FAM227A: variants seen among roughly 807,000 people sequenced by gnomAD.
FAM227A encodes family with sequence similarity 227 member A, also known as protein FAM227A.
FAM227A carries 80 observed loss-of-function variants against 74.7 expected under a neutral mutation model. The observed-to-expected ratio is 1.07, with a 90% CI of 0.89 to 1.29. The LOEUF (loss-of-function observed/expected upper bound fraction) is 1.29, where lower values mean the gene tolerates loss of function less well. Ranked by LOEUF, FAM227A falls within the 50% of genes most tolerant of loss-of-function variation. FAM227A has a pLI of 0.00. For synonymous variants in FAM227A, 237 were observed against 241.8 expected, an observed-to-expected ratio of 0.98 and a Z score of 0.19; for missense variants, 654 against 683.4, an observed-to-expected ratio of 0.96 and a Z score of 0.48.
chr22:38,607,979 T>C (rs182853140), intron 11 of FAM227A, among the ~76,000 whole-genome samples: 5 of 152,094 alleles, frequency 3.3e-5, no homozygotes, highest in Admixed American at 3.3e-4. Flanking sequence ...GCAGGGGAGA[T>C]AACAGGAAAT....
rs545536592 is a variant in FAM227A at position 38,650,348 on chromosome 22, G to C, written c.-94-86C>G. The C allele has an allele frequency of 2.3e-5, 14 of 607,992 alleles. No homozygotes were observed. The East Asian group carries it at 3.9e-4, about 17-fold the overall frequency. The allele number at this position is 607,992 out of a possible 1,614,324, so 37.7% of individuals were successfully genotyped here. On this transcript the variant is annotated intron_variant, in intron 1 of 16. Coordinates refer to ENST00000535113, the MANE Select transcript of FAM227A (RefSeq NM_001013647.2). ...GTTCCCCAGCTACACAGGGTTGATG[G>C]CAAAGCACATGTCCCATGCCTGCAT...
intron 5 of FAM227A, among the ~76,000 whole-genome samples, 176 bp downstream of exon 5, chr22:38,638,570 T>C (rs1006282196): frequency 6.6e-6 from 1 of 152,220 alleles, no homozygotes; most frequent in African/African-American, 2.4e-5. Flanking sequence ...ATTCTGAGGC[T>C]GGGGTCAGCT....
chr22:38,649,589 G>A (rs1189210884), intron 2 of FAM227A, among the ~76,000 whole-genome samples: 1 of 139,800 alleles, frequency 7.2e-6, no homozygotes. Context: ...GAATATGGCT[G>A]GGCGAGGTGG....
At chr22:38,641,547 A>G (rs4821802) in intron 3 of FAM227A, among the ~76,000 whole-genome samples, 67,814 of 142,588 alleles carry the variant, frequency 0.48, 18,539 homozygotes, top group African/African-American at 0.76. Flanking sequence ...GTGAAACTCC[A>G]TCTCAAAAAA....
At chr22:38,619,077 T>C (rs2091633765) in intron 11 of FAM227A, among the ~76,000 whole-genome samples, 1 of 151,180 alleles carries the variant, frequency 6.6e-6, no homozygotes, top group African/African-American at 2.4e-5. Context: ...ACAATGGCAA[T>C]GGTGATAGGA....
chr22:38,614,588 C>T (rs933365444), intron 11 of FAM227A, among the ~76,000 whole-genome samples: 2 of 152,138 alleles, frequency 1.3e-5, no homozygotes, highest in East Asian at 1.9e-4. Context: ...GATGGGAAAA[C>T]GTGTCTGCTC....
intron 8 of FAM227A, among the ~76,000 whole-genome samples, chr22:38,626,617 G>A (rs1419518412): frequency 2.6e-5 from 4 of 151,050 alleles, no homozygotes; most frequent in African/African-American, 7.3e-5. Context: ...TAATCACAAC[G>A]CTTTGGGAGG....
intron 3 of FAM227A, among the ~76,000 whole-genome samples, chr22:38,640,281 C>T (rs2092087475): frequency 6.6e-6 from 1 of 152,166 alleles, no homozygotes; most frequent in South Asian, 2.1e-4. Context: ...CATCTGCCCA[C>T]CTCGGCCTCC....
At chr22:38,613,054 T>A (rs2091450192) in intron 11 of FAM227A, among the ~76,000 whole-genome samples, 3 of 112,836 alleles carry the variant, frequency 2.7e-5, no homozygotes, top group East Asian at 2.2e-4. Context: ...ATATATATAT[T>A]ATATATATGT....
intron 11 of FAM227A, among the ~76,000 whole-genome samples, chr22:38,615,993 C>T (rs756211308): frequency 7.2e-5 from 11 of 151,968 alleles, no homozygotes; most frequent in African/African-American, 2.2e-4. Context: ...GAGGCCAGGG[C>T]GAAGGTGGGT....
Position 38,582,605 on chromosome 22 carries a change from T to A in FAM227A, c.*3520A>T. On this transcript the variant is annotated 3_prime_UTR_variant, in exon 17 of 17. Transcript: ENST00000535113. ...CTTCATATTTAACATCCTGAGAGGCTACAACTCTGAGTCCTCAGTCATTTC... is the reference window on the plus strand; with the variant it reads ...CTTCATATTTAACATCCTGAGAGGCAACAACTCTGAGTCCTCAGTCATTTC... 1 of 736,110 alleles carries A rather than the reference T, an allele frequency of 1.4e-6. No homozygotes were observed. The highest frequency in any genetic ancestry group is 2.7e-5 in the East Asian group (1 of 37,172). 45.6% of individuals were successfully genotyped at this position (736,110 alleles called of 1,614,324 possible).
chr22:38,586,015 C>T lies in FAM227A; in HGVS notation c.*110G>A, dbSNP rs2146107217. On this transcript the variant is annotated 3_prime_UTR_variant, in exon 17 of 17. Transcript: ENST00000535113. ...CTTCCCCTATGGAGAAATCATGATT[C>T]CTATTTCTGTCTTTGGCCACAATTT... 1 of 1,542,990 alleles carries T rather than the reference C, an allele frequency of 6.5e-7. No homozygotes were observed. The highest frequency in any genetic ancestry group is 8.7e-7 in the Non-Finnish European group (1 of 1,143,186).
At chr22:38,588,543 C>A (rs866610447) in intron 16 of FAM227A, among the ~76,000 whole-genome samples, 1 of 147,602 alleles carries the variant, frequency 6.8e-6, no homozygotes, top group Non-Finnish European at 1.5e-5. Flanking sequence ...CATTTGAACC[C>A]GGGAAGTGGA....
At chr22:38,593,533 GAATA>G (rs1464214836) in intron 15 of FAM227A, among the ~76,000 whole-genome samples, 3 of 151,982 alleles carry the variant, frequency 2.0e-5, no homozygotes, top group African/African-American at 7.3e-5. Context: ...AACAAAAAAA[GAATA>G]AATAAAGCAT....
At chr22:38,630,960 G>C (rs984187079) in intron 6 of FAM227A, among the ~76,000 whole-genome samples, 58 of 152,216 alleles carry the variant, frequency 3.8e-4, no homozygotes, top group African/African-American at 1.4e-3. Context: ...CTCAGGTCAG[G>C]AGTTCGAGAC....
chr22:38,631,100 G>A (rs2091906709), intron 6 of FAM227A, among the ~76,000 whole-genome samples: 1 of 152,138 alleles, frequency 6.6e-6, no homozygotes, highest in African/African-American at 2.4e-5. Flanking sequence ...CCTGGGAGGC[G>A]GAGGTTGCAG....
At chr22:38,607,131 T>C (rs924116122) in intron 12 of FAM227A, among the ~76,000 whole-genome samples, 1 of 147,186 alleles carries the variant, frequency 6.8e-6, no homozygotes, top group African/African-American at 2.5e-5. Context: ...GAGCTGAGAT[T>C]GTGCCACTGC....
Position 38,579,182 on chromosome 22 carries a change from A to G in FAM227A, c.*6943T>C, listed in dbSNP as rs556132925. 6.6e-6 allele frequency: 1 copy of G among 152,356 alleles called. No homozygotes were observed. Among genetic ancestry groups the G allele is most frequent in the South Asian group, 2.1e-4 (1 of 4,828 alleles). The allele number at this position is 152,356 out of a possible 1,614,324, so 9.4% of individuals were successfully genotyped here. On this transcript the variant is annotated 3_prime_UTR_variant, in exon 17 of 17. Coordinates refer to ENST00000535113, the MANE Select transcript of FAM227A (RefSeq NM_001013647.2). ...CATAGGAGCAGCAACTAAGCCAGAC[A>G]TAGAGCACACTTCAGCCATTCACTA...
intron 1 of FAM227A, among the ~76,000 whole-genome samples, chr22:38,654,630 C>T (rs1419680550): frequency 6.6e-6 from 1 of 151,480 alleles, no homozygotes; most frequent in African/African-American, 2.4e-5. Context: ...GAGACCCTGT[C>T]TCAAAAAAAT....
Sources: allele counts gnomAD v4.1 joint callset (sites outside exome capture counted in the v4.1 genomes callset), GRCh38; gene constraint gnomAD v4.1.1; transcripts MANE v1.5; gene names NCBI Gene and HGNC (gene_info 2026-07-23, HGNC 2026-07-21).